DPH6: variants seen among roughly 807,000 people sequenced by gnomAD.
The protein encoded by DPH6 is diphthine--ammonia ligase.
Under a neutral mutation model 38.2 loss-of-function variants are expected in DPH6, and 33 were observed. The ratio of observed to expected loss-of-function variants is 0.86; its 90% CI spans 0.65 to 1.15. DPH6 has a LOEUF of 1.15. Among genes scored for constraint, DPH6 ranks in the 50% most tolerant of loss-of-function variants. DPH6 has a pLI of 0.00. For missense variants in DPH6, 325 were observed against 320.0 expected (o/e 1.02, Z -0.12); for synonymous variants, 108 against 103.0 (o/e 1.05, Z -0.30).
chr15:35,187,624 C>T, the DPH6 span, among the ~76,000 whole-genome samples: 7 of 152,188 alleles, frequency 4.6e-5, no homozygotes, highest in East Asian at 9.6e-4. Context: ...CCAGTCATGC[C>T]AAGTAATTGA....
downstream of DPH6, among the ~76,000 whole-genome samples, chr15:35,213,974 TG>T (rs2051400349): frequency 2.0e-5 from 3 of 152,060 alleles, no homozygotes; most frequent in South Asian, 6.2e-4. Context: ...TAGCCAGACG[TG>T]GTGGCGGGCG....
chr15:35,309,899 T>C (rs1377549755), intron 3 of DPH6, among the ~76,000 whole-genome samples: 1 of 152,222 alleles, frequency 6.6e-6, no homozygotes, highest in Non-Finnish European at 1.5e-5. Flanking sequence ...GAAATGTGAA[T>C]ATCTATAATC....
At chr15:35,452,097 T>C (rs1161680702) in intron 4 of DPH6, among the ~76,000 whole-genome samples, 1 of 152,158 alleles carries the variant, frequency 6.6e-6, no homozygotes. Flanking sequence ...CATCACTCCA[T>C]GGATCTCACC....
Position 35,372,219 on chromosome 15 carries a change from A to G in DPH6, c.751-16T>C, listed in dbSNP as rs2140922040. ...CTGAGGACACCTAAAAAAAAAAGGG[A>G]AGGAAAGGGAAGGAAAATGCACCAT... On this transcript the variant is annotated splice_polypyrimidine_tract_variant and intron_variant, in intron 8 of 8. Coordinates refer to ENST00000256538, the MANE Select transcript of DPH6 (RefSeq NM_080650.4). The G allele has an allele frequency of 1.3e-6, 2 of 1,483,272 alleles. No homozygotes were observed. The highest frequency in any genetic ancestry group is 2.5e-5 in the East Asian group (1 of 40,812). The allele number at this position is 1,483,272 out of a possible 1,614,324, so 91.9% of individuals were successfully genotyped here.
At chr15:35,454,841 C>T (rs1444682469) in intron 3 of DPH6, 21 bp from the exon 4 acceptor site, 1 of 1,563,346 alleles carries the variant, frequency 6.4e-7, no homozygotes, top group Admixed American at 1.8e-5. Flanking sequence ...AGAAAAAAAC[C>T]ATAACTTTAA....
chr15:35,501,506 C>G (rs1477769334), intron 3 of DPH6, among the ~76,000 whole-genome samples: 1 of 152,100 alleles, frequency 6.6e-6, no homozygotes, highest in Non-Finnish European at 1.5e-5. Context: ...CTTCAACTTC[C>G]TGGTAATAAA....
At chr15:35,406,521 A>G (rs2053296104) in intron 6 of DPH6, among the ~76,000 whole-genome samples, 1 of 152,048 alleles carries the variant, frequency 6.6e-6, no homozygotes, top group Non-Finnish European at 1.5e-5. Flanking sequence ...CTTGTGCTAG[A>G]TGACTGCTGC....
At chr15:35,530,364 G>C (rs2055068415) in intron 3 of DPH6, among the ~76,000 whole-genome samples, 1 of 151,950 alleles carries the variant, frequency 6.6e-6, no homozygotes, top group Non-Finnish European at 1.5e-5. Context: ...ACAGACACTA[G>C]AGATTGAAAA....
chr15:35,505,190 T>C (rs548403146), intron 3 of DPH6, among the ~76,000 whole-genome samples: 1 of 152,246 alleles, frequency 6.6e-6, no homozygotes, highest in South Asian at 2.1e-4. Context: ...CAGCTTCAAG[T>C]GTGGGAAGTG....
At chr15:35,265,946 C>G (rs953838129) in intron 3 of DPH6, among the ~76,000 whole-genome samples, 1 of 152,102 alleles carries the variant, frequency 6.6e-6, no homozygotes, top group Non-Finnish European at 1.5e-5. Flanking sequence ...GCTACTTCTA[C>G]AAACAATTTA....
chr15:35,247,209 A>T (rs2051643030), intron 3 of DPH6, among the ~76,000 whole-genome samples: 1 of 152,240 alleles, frequency 6.6e-6, no homozygotes, highest in South Asian at 2.1e-4. Flanking sequence ...TCTTTCTTTG[A>T]ATATCATATG....
chr15:35,435,158 T>A (rs2053681208), intron 5 of DPH6, among the ~76,000 whole-genome samples: 1 of 152,138 alleles, frequency 6.6e-6, no homozygotes, highest in Non-Finnish European at 1.5e-5. Flanking sequence ...TGGTCGATTA[T>A]CTACACGACC....
At chr15:35,204,257 G>A in the DPH6 span, among the ~76,000 whole-genome samples, 1,432 of 151,468 alleles carry the variant, frequency 9.5e-3, 11 homozygotes, top group Non-Finnish European at 0.016. Flanking sequence ...TTAAGGCTTG[G>A]AAAAAAAATT....
intron 5 of DPH6, among the ~76,000 whole-genome samples, chr15:35,436,348 C>T (rs891755937): frequency 2.0e-5 from 3 of 151,712 alleles, no homozygotes; most frequent in Non-Finnish European, 4.4e-5. Flanking sequence ...CGCCTGTACT[C>T]CCAGCTACTC....
intron 3 of DPH6, among the ~76,000 whole-genome samples, chr15:35,491,929 A>G (rs1014804522): frequency 4.6e-5 from 7 of 152,062 alleles, no homozygotes; most frequent in African/African-American, 1.7e-4. Flanking sequence ...CTATAGCTCT[A>G]AAAAGAGACA....
the DPH6 span, among the ~76,000 whole-genome samples, chr15:35,199,016 T>C: frequency 6.6e-6 from 1 of 152,054 alleles, no homozygotes; most frequent in African/African-American, 2.4e-5. Context: ...ACCTCCCAGG[T>C]TGAAGCAATT....
the DPH6 span, among the ~76,000 whole-genome samples, chr15:35,208,585 T>C: frequency 6.6e-6 from 1 of 152,212 alleles, no homozygotes; most frequent in Non-Finnish European, 1.5e-5. Flanking sequence ...TCCCTTCTGA[T>C]CAAAAGAGAC....
chr15:35,525,569 T>C (rs899593057), intron 3 of DPH6, among the ~76,000 whole-genome samples: 1 of 152,170 alleles, frequency 6.6e-6, no homozygotes, highest in Admixed American at 6.5e-5. Flanking sequence ...CAAGGCTTTC[T>C]GAAAGTGATG....
At chr15:35,312,010 GAAA>G (rs10573455) in intron 3 of DPH6, among the ~76,000 whole-genome samples, 9,728 of 102,520 alleles carry the variant, frequency 0.095, 304 homozygotes, top group Middle Eastern at 0.13. Context: ...TTAAGAAAAT[GAAA>G]AAAAAAAAAA....
Sources: allele counts gnomAD v4.1 joint callset (sites outside exome capture counted in the v4.1 genomes callset), GRCh38; gene constraint gnomAD v4.1.1; transcripts MANE v1.5; gene names NCBI Gene and HGNC (gene_info 2026-07-23, HGNC 2026-07-21).